CUBN: variants seen among roughly 807,000 people sequenced by gnomAD.
The protein encoded by CUBN is cubilin.
Under a neutral mutation model 405.3 loss-of-function variants are expected in CUBN, and 282 were observed. That is an observed-to-expected ratio of 0.70 (90% confidence interval 0.63 to 0.77). CUBN has a LOEUF of 0.77. Ranked by LOEUF, CUBN falls within the 30% of genes least tolerant of loss-of-function variation. The pLI, the probability that CUBN is intolerant of heterozygous loss-of-function variation, is 0.00. For synonymous variants in CUBN, 1,684 were observed against 1,617.0 expected (o/e 1.04, Z -0.99); for missense variants, 4,514 against 4,475.2 (o/e 1.01, Z -0.25).
rs17432826 is a variant in CUBN at position 17,071,480 on chromosome 10, G to A, written c.2571C>T (p.Asn857=). 38,685 of 1,613,852 alleles carry A rather than the reference G, an allele frequency of 0.024. 593 individuals carry two copies. Among genetic ancestry groups the A allele is most frequent in the South Asian group, 0.028 (2,523 of 91,080 alleles). ...AACTTCCAATTTCAAAGACAGTGAA[G>A]TTGAGGAGAATGACTTGGCTTTGGG... ...HQPQSQVILL[N]FTVFEIGSSA... is the part of the protein sequence containing the mutation. Residue 857 remains asparagine (N), a synonymous_variant, in exon 19 of 67, where the codon AAC becomes AAT. Coordinates refer to ENST00000377833, the MANE Select transcript of CUBN (RefSeq NM_001081.4).
intron 14 of CUBN, among the ~76,000 whole-genome samples, chr10:17,097,392 C>T (rs1836398828): frequency 6.6e-6 from 1 of 152,038 alleles, no homozygotes; most frequent in Non-Finnish European, 1.5e-5. Flanking sequence ...ATATTAAATA[C>T]ATTGAATCAT....
At chr10:17,119,399 C>T (rs1836981934) in intron 6 of CUBN, among the ~76,000 whole-genome samples, 1 of 152,180 alleles carries the variant, frequency 6.6e-6, no homozygotes, top group African/African-American at 2.4e-5. Flanking sequence ...GTGGCTCACG[C>T]CTGTAATCCC....
At chr10:17,103,652 A>G (rs1270674684) in intron 12 of CUBN, among the ~76,000 whole-genome samples, 2 of 152,220 alleles carry the variant, frequency 1.3e-5, no homozygotes, top group African/African-American at 4.8e-5. Flanking sequence ...ATTTTTCCAT[A>G]GGGTCTACTA....
intron 22 of CUBN, among the ~76,000 whole-genome samples, chr10:17,048,539 G>A (rs906816665): frequency 3.9e-5 from 6 of 151,950 alleles, no homozygotes; most frequent in Admixed American, 2.0e-4. Context: ...GTGGAGTGGC[G>A]GGATCTTGGC....
At chr10:17,012,750 T>C (rs190110607) in intron 28 of CUBN, among the ~76,000 whole-genome samples, 192 of 152,340 alleles carry the variant, frequency 1.3e-3, no homozygotes, top group South Asian at 2.9e-3. Context: ...AAGATTTGGC[T>C]GAGTGAAAAC....
chr10:16,920,163 T>C, intron 43 of CUBN, 26 bp from the exon 44 acceptor site: 1 of 1,612,610 alleles, frequency 6.2e-7, no homozygotes, highest in East Asian at 2.2e-5. Context: ...CTTAAATCAG[T>C]CTATGATCTG....
chr10:17,055,998 T>C (rs1447788667), intron 22 of CUBN, among the ~76,000 whole-genome samples: 1 of 152,136 alleles, frequency 6.6e-6, no homozygotes, highest in Non-Finnish European at 1.5e-5. Context: ...GTTTTATACT[T>C]CCAGATTTTA....
chr10:16,998,886 G>T (rs755210344), intron 28 of CUBN, among the ~76,000 whole-genome samples: 1 of 152,204 alleles, frequency 6.6e-6, no homozygotes, highest in Non-Finnish European at 1.5e-5. Flanking sequence ...AAGTCATAAC[G>T]ATTTTTAGTG....
At chr10:16,990,936 A>G (rs375438331) in intron 28 of CUBN, among the ~76,000 whole-genome samples, 6 of 152,356 alleles carry the variant, frequency 3.9e-5, no homozygotes, top group African/African-American at 1.4e-4. Flanking sequence ...TGTAGCTAAT[A>G]CATTATTCTG....
At chr10:17,041,783 T>C (rs1835025316) in intron 26 of CUBN, among the ~76,000 whole-genome samples, 1 of 152,126 alleles carries the variant, frequency 6.6e-6, no homozygotes, top group African/African-American at 2.4e-5. Context: ...TCCCTCTAGT[T>C]AGTCATCAGG....
intron 27 of CUBN, among the ~76,000 whole-genome samples, chr10:17,029,470 G>T (rs1158005977): frequency 1.3e-5 from 2 of 152,182 alleles, no homozygotes; most frequent in Non-Finnish European, 2.9e-5. Context: ...GCTAACTAAT[G>T]GATATACTTC....
rs746395341 is a variant in CUBN, at chr10:17,068,651, A to G, written c.2745T>C (p.Ser915=). The change falls in exon 20 of 67, where the codon TCT becomes TCC. Residue 915 remains serine, a synonymous_variant. Transcript: ENST00000377833. ...FLYVTFVKSS[S]TENHGFMAKF... is the part of the protein sequence containing the mutation. ...TAGCCATGAAACCATGGTTTTCAGT[A>G]GAAGAACTTTTCACGAATGTGACAT... The G allele has an allele frequency of 6.8e-6, 11 of 1,613,424 alleles. No homozygotes were observed. In the East Asian group the frequency reaches 2.0e-4, roughly 29 times the overall value.
At position 17,046,068 on chromosome 10, in the gene CUBN, A is replaced by G. The variant is rs141164907; in HGVS notation, c.3356T>C (p.Leu1119Ser). 2,253 of 1,613,808 alleles carry G rather than the reference A, an allele frequency of 1.4e-3. 6 individuals carry two copies. Among genetic ancestry groups the G allele is most frequent in the Non-Finnish European group, 1.7e-3 (2,009 of 1,179,780 alleles). Residue 1119 changes from leucine (L) to serine (S), a missense_variant, in exon 24 of 67, where the codon TTG becomes TCG. Coordinates refer to ENST00000377833, the MANE Select transcript of CUBN (RefSeq NM_001081.4). Reference sequence around the variant, plus strand: ...ATTTGAGCCATAGAATATTCCCAGCAATGGTGATTTTTCATAGCCTCCATC... The same window carrying G: ...ATTTGAGCCATAGAATATTCCCAGCGATGGTGATTTTTCATAGCCTCCATC... ...IRDGGYEKSP[L>S]LGIFYGSNLP...
chr10:16,935,294 G>T (rs756316940), intron 39 of CUBN, among the ~76,000 whole-genome samples: 1 of 152,096 alleles, frequency 6.6e-6, no homozygotes, highest in Non-Finnish European at 1.5e-5. Context: ...TGGGACTACA[G>T]GCATGCACCA....
chr10:17,102,959 G>C (rs1227331613), intron 13 of CUBN, among the ~76,000 whole-genome samples, 166 bp downstream of exon 13: 1 of 151,358 alleles, frequency 6.6e-6, no homozygotes, highest in African/African-American at 2.5e-5. Context: ...GTTATGAAAA[G>C]GTAGGTATAT....
At chr10:16,846,001 T>C (rs540399587) in intron 60 of CUBN, among the ~76,000 whole-genome samples, 1 of 152,372 alleles carries the variant, frequency 6.6e-6, no homozygotes, top group South Asian at 2.1e-4. Flanking sequence ...ACATAACTTT[T>C]GAATGTCCTG....
chr10:17,010,154 C>A (rs1464658202), intron 28 of CUBN, among the ~76,000 whole-genome samples: 2 of 152,250 alleles, frequency 1.3e-5, no homozygotes, highest in African/African-American at 4.8e-5. Flanking sequence ...CACGTATGCT[C>A]TGGAGAATGC....
chr10:17,058,160 T>C (rs1032569839), intron 22 of CUBN, among the ~76,000 whole-genome samples: 3 of 151,990 alleles, frequency 2.0e-5, no homozygotes, highest in African/African-American at 7.2e-5. Flanking sequence ...ACATACTATG[T>C]ATTCCTGTTC....
chr10:17,123,885 G>A (rs1837103652), intron 4 of CUBN, among the ~76,000 whole-genome samples, 196 bp from the exon 5 acceptor site: 1 of 152,028 alleles, frequency 6.6e-6, no homozygotes, highest in African/African-American at 2.4e-5. Flanking sequence ...TATCAATCTT[G>A]TTCCTATTCC....
Sources: allele counts gnomAD v4.1 joint callset (sites outside exome capture counted in the v4.1 genomes callset), GRCh38; gene constraint gnomAD v4.1.1; transcripts MANE v1.5; gene names NCBI Gene and HGNC (gene_info 2026-07-23, HGNC 2026-07-21).